AHI1: variants seen among roughly 807,000 people sequenced by gnomAD.
AHI1 encodes the protein jouberin.
A neutral mutation model predicts 149.3 loss-of-function variants in AHI1; 123 were observed. The observed-to-expected ratio is 0.82, with a 90% CI of 0.71 to 0.96. The LOEUF is 0.96. AHI1 is among the 40% of genes least tolerant of loss of function. The pLI is 0.00. For synonymous variants in AHI1, 475 were observed against 459.8 expected (o/e 1.03, Z -0.42); for missense variants, 1,439 against 1,422.7 (o/e 1.01, Z -0.18).
At chr6:135,496,906 T>TC (rs1796039389) in intron 2 of AHI1, among the ~76,000 whole-genome samples, 1 of 152,238 alleles carries the variant, frequency 6.6e-6, no homozygotes, top group Non-Finnish European at 1.5e-5. Context: ...CAAGCATTCT[T>TC]TAAAAAATTT....
chr6:135,288,080 G>A (rs1045880365), intron 28 of AHI1, among the ~76,000 whole-genome samples: 1 of 151,946 alleles, frequency 6.6e-6, no homozygotes, highest in African/African-American at 2.4e-5. Context: ...GGGCAACACA[G>A]CAAGACTCCC....
intron 27 of AHI1, among the ~76,000 whole-genome samples, chr6:135,294,527 A>G (rs1301931296): frequency 2.0e-5 from 3 of 151,884 alleles, no homozygotes; most frequent in Non-Finnish European, 2.9e-5. Flanking sequence ...CAAACAAACA[A>G]ACAACCCTCC....
In AHI1 at chr6:135,364,456, C is replaced by G. The variant is rs569248343; in HGVS notation, c.3110-6269G>C. Among the ~76,000 whole-genome samples the G allele has an allele frequency of 3.9e-3, 579 of 149,830 alleles. 1 individual carries two copies. Among genetic ancestry groups the G allele is most frequent in the African/African-American group, 0.014 (555 of 40,206 alleles). On this transcript the variant is annotated intron_variant, in intron 23 of 28. Transcript: ENST00000265602. ...CCTCACATCCCAGACGATGGGCGGC[C>G]AGGCGGAGACGCTCCTCACTTCCCA...
chr6:135,456,023 AAT>A, intron 9 of AHI1, 97 bp from the exon 10 acceptor site: 1 of 739,240 alleles, frequency 1.4e-6, no homozygotes, highest in Non-Finnish European at 1.9e-6. Flanking sequence ...AGAAATAATG[AAT>A]AGTCATAATA....
chr6:135,378,734 T>C (rs1376889558), intron 23 of AHI1, among the ~76,000 whole-genome samples: 1 of 152,198 alleles, frequency 6.6e-6, no homozygotes. Context: ...AGTATAAATA[T>C]AACAAGGATA....
At chr6:135,338,856 C>T (rs544450447) in intron 24 of AHI1, among the ~76,000 whole-genome samples, 3 of 152,072 alleles carry the variant, frequency 2.0e-5, no homozygotes, top group African/African-American at 7.2e-5. Flanking sequence ...AAAACCCAAT[C>T]GCAAAGAAAT....
At position 135,437,258 on chromosome 6, in the gene AHI1, A is replaced by G. The variant is rs1250088384; in HGVS notation, c.2036+1117T>C. Among the ~76,000 whole-genome samples, 4 of 152,342 alleles carry G rather than the reference A, an allele frequency of 2.6e-5. 1 individual carries two copies. The East Asian group carries it at 7.7e-4, about 29-fold the overall frequency. Reference sequence around the variant, plus strand: ...GAGGAAAAAGAAAAGGAAGCTGAGTAAAGTAAAAGGATTCCTCAGCAGAGA... The same window carrying G: ...GAGGAAAAAGAAAAGGAAGCTGAGTGAAGTAAAAGGATTCCTCAGCAGAGA... On this transcript the variant is annotated intron_variant, in intron 15 of 28. Coordinates refer to ENST00000265602, the MANE Select transcript of AHI1 (RefSeq NM_001134831.2).
Position 135,465,830 on chromosome 6 carries a change from A to G in AHI1, c.733T>C (p.Ser245Pro). The change falls in exon 7 of 29, where the codon TCT becomes CCT. Residue 245 changes from serine to proline, a missense_variant. By Grantham distance (74) the Ser-to-Pro change is moderately conservative (BLOSUM62 -1). Transcript: ENST00000265602. ...CAAAAATACCTTGTTTCAGCTTTAG[A>G]GAAGACTGGAACTTCCTTTTTCTTT... Reference protein sequence around the residue: ...RKKKKEVPVFSKAETSTLTIS... With the variant: ...RKKKKEVPVFPKAETSTLTIS... The G allele has an allele frequency of 1.4e-6, 2 of 1,473,236 alleles. No homozygotes were observed. Among genetic ancestry groups the G allele is most frequent in the South Asian group, 1.6e-5 (1 of 61,972 alleles). 91.3% of individuals were successfully genotyped at this position (1,473,236 alleles called of 1,614,324 possible).
chr6:135,462,642 T>C (rs896841857), intron 8 of AHI1, among the ~76,000 whole-genome samples: 11 of 152,190 alleles, frequency 7.2e-5, no homozygotes, highest in African/African-American at 2.7e-4. Context: ...GGCTCATGCC[T>C]GTAACCCCAG....
intron 24 of AHI1, among the ~76,000 whole-genome samples, chr6:135,326,854 C>T (rs182085856): frequency 3.0e-4 from 45 of 152,314 alleles, no homozygotes; most frequent in Middle Eastern, 3.4e-3. Flanking sequence ...ACCACTGCAC[C>T]TGGCCCCCGA....
intron 5 of AHI1, 29 bp from the exon 6 acceptor site, chr6:135,467,663 G>A: frequency 6.7e-7 from 1 of 1,502,888 alleles, no homozygotes; most frequent in Non-Finnish European, 9.2e-7. Flanking sequence ...TAAAGTTTCA[G>A]CTAAGCGTAG....
chr6:135,362,935 A>G (rs1317927530), intron 23 of AHI1, among the ~76,000 whole-genome samples: 1 of 151,914 alleles, frequency 6.6e-6, no homozygotes, highest in East Asian at 1.9e-4. Flanking sequence ...TCTTTGCCTA[A>G]GCCAATGTCT....
intron 24 of AHI1, among the ~76,000 whole-genome samples, chr6:135,339,123 T>A (rs188440451): frequency 1.3e-5 from 2 of 152,202 alleles, no homozygotes; most frequent in Non-Finnish European, 1.5e-5. Context: ...ACTCACAGCA[T>A]GCTGTGAATG....
chr6:135,354,967 T>G (rs1478395151), intron 24 of AHI1, among the ~76,000 whole-genome samples: 1 of 152,194 alleles, frequency 6.6e-6, no homozygotes, highest in African/African-American at 2.4e-5. Context: ...AGCAGTCTGA[T>G]GTCCAATGTC....
At position 135,323,244 on chromosome 6, in the gene AHI1, G is replaced by C; in HGVS notation, c.3246C>G (p.Phe1082Leu). The C allele has an allele frequency of 6.2e-7, 1 of 1,613,780 alleles. No homozygotes were observed. The highest frequency in any genetic ancestry group is 8.5e-7 in the Non-Finnish European group (1 of 1,179,798). ...CATACCACCAGTCTTCATTATCTTT[G>C]AAAAACACTCGGATAATGTCTCCGC... is the stretch of plus-strand genomic sequence containing the variant. ...IHRGDIIRVFFKDNEDWWYGS... is the reference protein window; with the variant it reads ...IHRGDIIRVFLKDNEDWWYGS... The change falls in exon 25 of 29, where the codon TTC becomes TTG. Residue 1082 changes from phenylalanine to leucine, a missense_variant. Phe to Leu is a conservative substitution (Grantham distance 22, BLOSUM62 0). Coordinates refer to ENST00000265602, the MANE Select transcript of AHI1 (RefSeq NM_001134831.2).
intron 24 of AHI1, among the ~76,000 whole-genome samples, chr6:135,335,694 T>A (rs1357648857): frequency 2.0e-5 from 3 of 152,206 alleles, no homozygotes; most frequent in Non-Finnish European, 4.4e-5. Context: ...TAATGAACTG[T>A]AAGCTGTAAG....
At chr6:135,406,865 G>A (rs2128502313) in intron 21 of AHI1, among the ~76,000 whole-genome samples, 1 of 152,098 alleles carries the variant, frequency 6.6e-6, no homozygotes, top group South Asian at 2.1e-4. Flanking sequence ...ACTTTTTGTA[G>A]GATTGATTAA....
intron 22 of AHI1, among the ~76,000 whole-genome samples, chr6:135,401,040 T>A (rs1428049639): frequency 1.3e-5 from 2 of 152,188 alleles, no homozygotes; most frequent in East Asian, 1.9e-4. Flanking sequence ...TACTTTTTGG[T>A]TTACAATTGT....
At chr6:135,471,032 C>T (rs1791603911) in intron 5 of AHI1, among the ~76,000 whole-genome samples, 1 of 152,060 alleles carries the variant, frequency 6.6e-6, no homozygotes, top group Non-Finnish European at 1.5e-5. Flanking sequence ...GGGGCATATG[C>T]AAATTTTTGT....
Sources: allele counts gnomAD v4.1 joint callset (sites outside exome capture counted in the v4.1 genomes callset), GRCh38; gene constraint gnomAD v4.1.1; transcripts MANE v1.5; gene names NCBI Gene and HGNC (gene_info 2026-07-23, HGNC 2026-07-21).